The following DIS3L2 variants were observed in gnomAD, a reference collection of about 807,000 sequenced individuals.
DIS3L2 encodes DIS3-like exonuclease 2.
A neutral mutation model predicts 97.5 loss-of-function variants in DIS3L2; 34 were observed. That is an observed-to-expected ratio of 0.35 (90% CI 0.27 to 0.46). The LOEUF (loss-of-function observed/expected upper bound fraction) is 0.46. Ranked by LOEUF, DIS3L2 falls within the 20% of genes least tolerant of loss-of-function variation. The pLI, the probability that DIS3L2 is intolerant of heterozygous loss-of-function variation, is 1.00. For missense variants in DIS3L2, 1,038 were observed against 1,146.0 expected, an observed-to-expected ratio of 0.91 and a Z score of 1.36; for synonymous variants, 435 against 445.2, an observed-to-expected ratio of 0.98 and a Z score of 0.29.
chr2:232,076,378 AG>A (rs1696187974), intron 5 of DIS3L2, among the ~76,000 whole-genome samples: 1 of 152,098 alleles, frequency 6.6e-6, no homozygotes, highest in South Asian at 2.1e-4. Flanking sequence ...TCTTCTACAA[AG>A]GGCTGGACCA....
intron 2 of DIS3L2, 121 bp from the exon 3 acceptor site, chr2:232,015,392 TC>T: frequency 7.8e-7 from 1 of 1,279,400 alleles, no homozygotes; most frequent in Non-Finnish European, 1.1e-6. Flanking sequence ...AAAATCACCA[TC>T]AGGGAGTTTC....
chr2:232,160,517 T>C (rs543256157), intron 8 of DIS3L2, among the ~76,000 whole-genome samples: 1 of 152,176 alleles, frequency 6.6e-6, no homozygotes, highest in Non-Finnish European at 1.5e-5. Flanking sequence ...GTAATTTGTG[T>C]TTTTCCCTCC....
chr2:232,300,545 G>T (rs1162757845), intron 14 of DIS3L2, among the ~76,000 whole-genome samples: 1 of 151,992 alleles, frequency 6.6e-6, no homozygotes, highest in African/African-American at 2.4e-5. Context: ...TATATTAATG[G>T]TTGGGAGATT....
chr2:232,295,491 C>A (rs941754904), intron 13 of DIS3L2, among the ~76,000 whole-genome samples: 1 of 152,202 alleles, frequency 6.6e-6, no homozygotes, highest in Non-Finnish European at 1.5e-5. Flanking sequence ...GACCTTGAAT[C>A]TGCAGTTCTC....
At chr2:232,249,455 A>G in intron 12 of DIS3L2, 109 bp downstream of exon 12, 3 of 1,172,496 alleles carry the variant, frequency 2.6e-6, no homozygotes, top group Non-Finnish European at 2.5e-6. Context: ...TGGTAAGACA[A>G]GGGAGGTATG....
intron 1 of DIS3L2, among the ~76,000 whole-genome samples, chr2:232,008,320 A>G (rs1371974518): frequency 6.6e-6 from 1 of 151,788 alleles, no homozygotes; most frequent in East Asian, 1.9e-4. Flanking sequence ...GAGCCACCAC[A>G]TCTGGCCAAA....
intron 9 of DIS3L2, among the ~76,000 whole-genome samples, chr2:232,188,004 G>C (rs866835688): frequency 6.6e-6 from 1 of 152,144 alleles, no homozygotes; most frequent in Non-Finnish European, 1.5e-5. Flanking sequence ...CCTGGGTCTG[G>C]TGGTGTGCGC....
At position 232,087,569 on chromosome 2, in the gene DIS3L2, T is replaced by G. The variant is rs1293010647; in HGVS notation, c.449T>G (p.Leu150Arg). The change falls in exon 6 of 21, where the codon CTC becomes CGC. Residue 150 changes from leucine (L) to arginine (R), a missense_variant. Physicochemically the swap from Leu to Arg is moderately radical, Grantham distance 102. Transcript: ENST00000325385. ...CCCGAGGAGCTCTGTGGACACCATC[T>G]CCCGCAACAGTCCCTGAAAAGCTAT... Reference protein sequence around the residue: ...DIPEELCGHHLPQQSLKSYND... With the variant: ...DIPEELCGHHRPQQSLKSYND... 6.2e-7 allele frequency: 1 copy of G among 1,614,042 alleles called. No individual in the cohort carries two copies. The highest frequency in any genetic ancestry group is 8.5e-7 in the Non-Finnish European group (1 of 1,180,020).
At chr2:232,103,368 G>T (rs1574877524) in intron 6 of DIS3L2, among the ~76,000 whole-genome samples, 1 of 152,138 alleles carries the variant, frequency 6.6e-6, no homozygotes, top group South Asian at 2.1e-4. Context: ...TTATTGGCTT[G>T]AGACCAAGTT....
chr2:232,232,176 G>A (rs11904384), intron 10 of DIS3L2, among the ~76,000 whole-genome samples: 13,658 of 152,176 alleles, frequency 0.09, 754 homozygotes, highest in African/African-American at 0.16. Flanking sequence ...TTCTTGTGAA[G>A]TGGTGATAGA....
At chr2:232,077,824 G>A (rs1696238269) in intron 5 of DIS3L2, among the ~76,000 whole-genome samples, 1 of 152,080 alleles carries the variant, frequency 6.6e-6, no homozygotes, top group Non-Finnish European at 1.5e-5. Flanking sequence ...TATCCTCAGG[G>A]CCCCTTTTTT....
intron 14 of DIS3L2, among the ~76,000 whole-genome samples, chr2:232,313,203 T>G (rs1333398654): frequency 6.6e-6 from 1 of 152,238 alleles, no homozygotes; most frequent in African/African-American, 2.4e-5. Context: ...AAACTCACTC[T>G]TAGATTATGA....
At chr2:232,274,964 AT>A (rs1311856260) in intron 13 of DIS3L2, among the ~76,000 whole-genome samples, 1 of 152,132 alleles carries the variant, frequency 6.6e-6, no homozygotes, top group Non-Finnish European at 1.5e-5. Flanking sequence ...GAACGACTGG[AT>A]TTCTACATCA....
intron 14 of DIS3L2, 28 bp from the exon 15 acceptor site, chr2:232,329,785 T>TCCCCGGGGGGGGCG: frequency 1.0e-6 from 1 of 967,144 alleles, no homozygotes; most frequent in Non-Finnish European, 1.5e-6. Context: ...ACCCCAGCGG[T>TCCCCGGGGGGGGCG]CCCTCCCATC....
chr2:232,257,206 ATGATGGCCCTAGTG>A (rs1693589450), intron 12 of DIS3L2, among the ~76,000 whole-genome samples: 1 of 152,138 alleles, frequency 6.6e-6, no homozygotes, highest in African/African-American at 2.4e-5. Flanking sequence ...TTGCTTAGTG[ATGATGGCCCTAGTG>A]TGAGGACTGG....
chr2:232,334,066 C>G (rs1319105431), intron 17 of DIS3L2, 79 bp downstream of exon 17: 4 of 1,522,952 alleles, frequency 2.6e-6, no homozygotes, highest in Non-Finnish European at 3.5e-6. Flanking sequence ...CTCAGTGGCC[C>G]AAGACCATTC....
chr2:231,965,685 T>A (rs1050939777), intron 1 of DIS3L2, among the ~76,000 whole-genome samples: 1 of 152,210 alleles, frequency 6.6e-6, no homozygotes, highest in Non-Finnish European at 1.5e-5. Flanking sequence ...AATGCACATA[T>A]GATCTCTGTC....
intron 1 of DIS3L2, among the ~76,000 whole-genome samples, chr2:231,991,555 C>A (rs1349760697): frequency 6.6e-6 from 1 of 152,184 alleles, no homozygotes; most frequent in African/African-American, 2.4e-5. Context: ...CAGGCATGAG[C>A]CACCATACCT....
intron 6 of DIS3L2, among the ~76,000 whole-genome samples, chr2:232,097,685 A>G (rs1200313546): frequency 6.6e-6 from 1 of 152,158 alleles, no homozygotes; most frequent in Non-Finnish European, 1.5e-5. Flanking sequence ...AAGTGATGCC[A>G]TGTAAGAGCC....
Sources: allele counts gnomAD v4.1 joint callset (sites outside exome capture counted in the v4.1 genomes callset), GRCh38; gene constraint gnomAD v4.1.1; transcripts MANE v1.5; gene names NCBI Gene and HGNC (gene_info 2026-07-23, HGNC 2026-07-21).